Variants in GCLC observed in about 807,000 individuals in gnomAD.
The protein encoded by GCLC is glutamate--cysteine ligase catalytic subunit.
GCLC carries 30 observed loss-of-function variants against 81.5 expected under a neutral mutation model. The observed-to-expected ratio is 0.37, with a 90% CI of 0.28 to 0.50. GCLC has a LOEUF of 0.50. GCLC is among the 20% of genes least tolerant of loss of function. GCLC has a pLI of 0.96. For missense variants in GCLC, 556 were observed against 777.4 expected (o/e 0.72, Z 3.39); for synonymous variants, 262 against 273.3 (o/e 0.96, Z 0.41).
At chr6:53,543,084 T>C (rs904894573) in intron 1 of GCLC, among the ~76,000 whole-genome samples, 9 of 152,180 alleles carry the variant, frequency 5.9e-5, no homozygotes, top group Non-Finnish European at 7.3e-5. Context: ...CAGTGGGAAC[T>C]TGAAATAGTA....
intron 6 of GCLC, among the ~76,000 whole-genome samples, chr6:53,511,524 G>A (rs777048146): frequency 1.5e-4 from 23 of 151,934 alleles, no homozygotes; most frequent in Non-Finnish European, 2.9e-4. Context: ...TACATAATTC[G>A]TAGGTGAATC....
Position 53,505,455 on chromosome 6 carries a change from A to G in GCLC, c.1332T>C (p.Phe444=), listed in dbSNP as rs757567568. ...TDFENSAYVV[F]VVLLTRVILS... is the part of the protein sequence containing the mutation. ...GGATCACTCTGGTGAGCAGTACCACAAACACCACATAGGCAGAGTTCTCAA... is the reference window on the plus strand; with the variant it reads ...GGATCACTCTGGTGAGCAGTACCACGAACACCACATAGGCAGAGTTCTCAA... The change falls in exon 12 of 16, where the codon TTT becomes TTC. Residue 444 remains phenylalanine (F), a synonymous_variant. Transcript: ENST00000650454. 4 of 1,607,252 alleles carry G rather than the reference A, an allele frequency of 2.5e-6. No homozygotes were observed. The highest frequency in any genetic ancestry group is 3.4e-6 in the Non-Finnish European group (4 of 1,173,854).
chr6:53,511,082 C>T (rs1272394763), intron 6 of GCLC, among the ~76,000 whole-genome samples: 1 of 151,670 alleles, frequency 6.6e-6, no homozygotes, highest in Admixed American at 6.6e-5. Context: ...CACTTATTTG[C>T]TGAAGTAGAA....
chr6:53,544,541 G>A lies in GCLC; in HGVS notation c.105C>T (p.His35=). Residue 35 remains histidine (H), a synonymous_variant, in exon 1 of 16, where the codon CAC becomes CAT. Coordinates refer to ENST00000650454, the MANE Select transcript of GCLC (RefSeq NM_001498.4). Reference sequence around the variant, plus strand: ...CGTCCTTGTGCCGGTCCTTGACGGCGTGGTAGATGTGCAGGAACTGGAGGA... The same window carrying A: ...CGTCCTTGTGCCGGTCCTTGACGGCATGGTAGATGTGCAGGAACTGGAGGA... ...HGILQFLHIY[H]AVKDRHKDVL... is the part of the protein sequence containing the mutation. 1 of 1,608,934 alleles carries A rather than the reference G, an allele frequency of 6.2e-7. No homozygotes were observed. The highest frequency in any genetic ancestry group is 1.3e-5 in the African/African-American group (1 of 75,044).
At position 53,506,823 on chromosome 6, in the gene GCLC, G is replaced by T; in HGVS notation, c.1197+90C>A. The T allele has an allele frequency of 1.3e-6, 1 of 749,858 alleles. No homozygotes were observed. Among genetic ancestry groups the T allele is most frequent in the Non-Finnish European group, 2.4e-6 (1 of 416,596 alleles). 46.5% of individuals were successfully genotyped at this position (749,858 alleles called of 1,614,324 possible). On this transcript the variant is annotated intron_variant, in intron 10 of 15. Transcript: ENST00000650454. The surrounding 1 kb of genome is among the most constrained non-coding windows in gnomAD (Gnocchi z 4.0). Reference sequence around the variant, plus strand: ...GTACAGAAAACTGCCTCCCCATGTTGGTTTGTGAAGTGAAATGCATATAAA... The same window carrying T: ...GTACAGAAAACTGCCTCCCCATGTTTGTTTGTGAAGTGAAATGCATATAAA...
Position 53,514,323 on chromosome 6 carries a change from T to G in GCLC, c.634A>C (p.Asn212His). 6.3e-7 allele frequency: 1 copy of G among 1,595,864 alleles called. No homozygotes were observed. The highest frequency in any genetic ancestry group is 8.6e-7 in the Non-Finnish European group (1 of 1,163,380). Residue 212 changes from asparagine to histidine, a missense_variant, in exon 6 of 16, where the codon AAT becomes CAT. Coordinates refer to ENST00000650454, the MANE Select transcript of GCLC (RefSeq NM_001498.4). ...VINVPIFKDK[N>H]TPSPFIETFT... is the part of the protein sequence containing the mutation. ...GTTTCTATAAATGGAGATGGTGTAT[T>G]CTTGTCCTTAAATACTGTATTATAA...
intron 8 of GCLC, 27 bp from the exon 9 acceptor site, chr6:53,507,645 A>C: frequency 1.0e-6 from 1 of 1,003,274 alleles, no homozygotes. Flanking sequence ...TATATAAATG[A>C]ATATGCTATA....
intron 1 of GCLC, among the ~76,000 whole-genome samples, chr6:53,540,885 C>CA (rs931719006): frequency 2.6e-5 from 4 of 151,818 alleles, no homozygotes; most frequent in Middle Eastern, 6.8e-3. Context: ...CCTCACCCCA[C>CA]AAAAAAAAGT....
chr6:53,500,960 G>A (rs1054488160), intron 12 of GCLC: 7 of 282,540 alleles, frequency 2.5e-5, no homozygotes, highest in African/African-American at 1.6e-4. Context: ...CTGTTGCCCA[G>A]GTTGGAGTGC....
At position 53,498,786 on chromosome 6, in the gene GCLC, A is replaced by G. The variant is rs904851230; in HGVS notation, c.1884T>C (p.Tyr628=). Residue 628 remains tyrosine, a synonymous_variant, in exon 16 of 16, where the codon TAT becomes TAC. Transcript: ENST00000650454. ...TGGATGAGTCAGTTTTACTTCCACT[A>G]TATTTTACTTTCCTAAATGCTGATC... ...LLGSAFRKVK[Y]SGSKTDSSN 6.2e-7 allele frequency: 1 copy of G among 1,612,042 alleles called. No homozygotes were observed. The highest frequency in any genetic ancestry group is 2.2e-5 in the East Asian group (1 of 44,862).
Position 53,509,033 on chromosome 6 carries a change from C to A in GCLC, c.828+143G>T, listed in dbSNP as rs527971749. ...CAGTGTAGACTCTCAGTTCATTATACCTAAACCTACATACTATTTATATTA... is the reference window on the plus strand; with the variant it reads ...CAGTGTAGACTCTCAGTTCATTATAACTAAACCTACATACTATTTATATTA... On this transcript the variant is annotated intron_variant, in intron 7 of 15. Transcript: ENST00000650454. The A allele has an allele frequency of 1.5e-4, 100 of 673,718 alleles. 1 individual carries two copies. In the Admixed American group the frequency reaches 1.5e-3, roughly 10 times the overall value. The allele number at this position is 673,718 out of a possible 1,614,324, so 41.7% of individuals were successfully genotyped here.
intron 1 of GCLC, among the ~76,000 whole-genome samples, chr6:53,534,335 T>C (rs1324774629): frequency 1.3e-5 from 2 of 152,126 alleles, no homozygotes; most frequent in African/African-American, 4.8e-5. Context: ...AAGTATCTTA[T>C]AAACCACAAT....
chr6:53,527,369 T>TA (rs1763100758), intron 1 of GCLC, among the ~76,000 whole-genome samples: 1 of 152,220 alleles, frequency 6.6e-6, no homozygotes, highest in Non-Finnish European at 1.5e-5. Context: ...CTCAGAGACT[T>TA]AGTTTTCTCC....
At chr6:53,507,418 A>G in intron 9 of GCLC, 62 bp downstream of exon 9, 1 of 1,584,026 alleles carries the variant, frequency 6.3e-7, no homozygotes, top group Non-Finnish European at 8.6e-7. Flanking sequence ...AAAAAAGTGT[A>G]AAAGAGCTTT....
intron 3 of GCLC, among the ~76,000 whole-genome samples, chr6:53,518,467 T>G (rs925893995): frequency 3.9e-5 from 6 of 152,152 alleles, no homozygotes; most frequent in Admixed American, 3.9e-4. Context: ...GCCAGGCTGG[T>G]CTCGAACTCC....
At position 53,544,628 on chromosome 6, in the gene GCLC, C is replaced by T. The variant is rs1469273070; in HGVS notation, c.18G>A (p.Gln6=). 6 of 1,599,586 alleles carry T rather than the reference C, an allele frequency of 3.8e-6. No homozygotes were observed. Among genetic ancestry groups the T allele is most frequent in the Admixed American group, 3.3e-5 (2 of 59,884 alleles). The part of the protein sequence containing the change: MGLLS[Q]GSPLSWEETK... ...TTTCCTCCCAGCTCAGCGGCGAGCC[C>T]TGGGACAGCAGCCCCATGGCCGCCC... The change falls in exon 1 of 16, where the codon CAG becomes CAA. Residue 6 remains glutamine, a synonymous_variant. Coordinates refer to ENST00000650454, the MANE Select transcript of GCLC (RefSeq NM_001498.4).
rs1763414481 is a variant in GCLC, at chr6:53,544,540, C to T, written c.106G>A (p.Ala36Thr). The change falls in exon 1 of 16, where the codon GCC becomes ACC. Residue 36 changes from alanine (A) to threonine (T), a missense_variant. Around this residue, in one of 3 missense-constraint regions of GCLC, gnomAD observed 234 missense variants for 303.8 expected, o/e 0.77. Coordinates refer to ENST00000650454, the MANE Select transcript of GCLC (RefSeq NM_001498.4). Reference sequence around the variant, plus strand: ...ACGTCCTTGTGCCGGTCCTTGACGGCGTGGTAGATGTGCAGGAACTGGAGG... The same window carrying T: ...ACGTCCTTGTGCCGGTCCTTGACGGTGTGGTAGATGTGCAGGAACTGGAGG... ...GILQFLHIYH[A>T]VKDRHKDVLK... The T allele has an allele frequency of 6.2e-7, 1 of 1,608,934 alleles. No individual in the cohort carries two copies.
chr6:53,520,848 T>G lies in GCLC; in HGVS notation c.376A>C (p.Lys126Gln). ...EFNTVEANMR[K>Q]RRKEATSILE... Reference sequence around the variant, plus strand: ...ATAGAAGTAGCCTCCTTCCGGCGTTTTCGCATGTTGGCCTCAACTGTATTG... The same window carrying G: ...ATAGAAGTAGCCTCCTTCCGGCGTTGTCGCATGTTGGCCTCAACTGTATTG... Residue 126 changes from lysine (K) to glutamine (Q), a missense_variant, in exon 3 of 16, where the codon AAA (lysine) becomes CAA (glutamine). Around this residue, in one of 3 missense-constraint regions of GCLC, gnomAD observed 234 missense variants for 303.8 expected, o/e 0.77. Coordinates refer to ENST00000650454, the MANE Select transcript of GCLC (RefSeq NM_001498.4). 1 of 1,614,182 alleles carries G rather than the reference T, an allele frequency of 6.2e-7. No individual in the cohort carries two copies. The highest frequency in any genetic ancestry group is 8.5e-7 in the Non-Finnish European group (1 of 1,180,000).
intron 12 of GCLC, among the ~76,000 whole-genome samples, chr6:53,503,640 G>A (rs1242204439): frequency 6.6e-6 from 1 of 152,036 alleles, no homozygotes; most frequent in Non-Finnish European, 1.5e-5. Context: ...CTCCTGTCCG[G>A]ACAGTTAATT....
Sources: gnomAD v4.1 joint callset for allele counts (sites outside exome capture counted in the v4.1 genomes callset) on GRCh38, gnomAD v4.1.1 for gene constraint, gnomAD v4.1.1 regional missense constraint, Gnocchi (gnomAD v3.1) non-coding constraint, MANE v1.5 for transcripts, NCBI Gene and HGNC (gene_info 2026-07-23, HGNC 2026-07-21) for gene names.